ARHGEF38: variants seen among roughly 807,000 people sequenced by gnomAD.
The protein encoded by ARHGEF38 is Rho guanine nucleotide exchange factor (GEF) 38.
In ARHGEF38, 79 loss-of-function variants were observed where a neutral mutation model predicts 79.9. The observed-to-expected ratio is 0.99, with a 90% confidence interval of 0.82 to 1.19. The LOEUF is 1.19. Among genes scored for constraint, ARHGEF38 ranks in the 50% most tolerant of loss-of-function variants. The pLI is 0.00. For missense variants in ARHGEF38, 962 were observed against 907.2 expected, an observed-to-expected ratio of 1.06 and a Z score of -0.78; for synonymous variants, 366 against 328.3, an observed-to-expected ratio of 1.11 and a Z score of -1.24.
chr4:105,667,141 C>A lies in ARHGEF38; in HGVS notation c.1702C>A (p.His568Asn). Residue 568 changes from histidine to asparagine, a missense_variant, in exon 12 of 14, where the codon CAT (histidine) becomes AAT (asparagine). Transcript: ENST00000420470. ...KPVQILPEMP[H>N]QTDIHRSKLL... ...TTATTTCTCCCAGCCAGAAATGCCA[C>A]ATCAAACTGACATTCATCGCTCCAA... 6.5e-7 allele frequency: 1 copy of A among 1,532,236 alleles called. No individual in the cohort carries two copies. Among genetic ancestry groups the A allele is most frequent in the Non-Finnish European group, 8.7e-7 (1 of 1,144,158 alleles). The allele number at this position is 1,532,236 out of a possible 1,614,324, so 94.9% of individuals were successfully genotyped here.
chr4:105,642,819 T>C (rs1013619005), intron 5 of ARHGEF38, among the ~76,000 whole-genome samples: 6 of 152,174 alleles, frequency 3.9e-5, no homozygotes, highest in African/African-American at 1.2e-4. Flanking sequence ...TTGATTTAAA[T>C]GTTTGATTAT....
At chr4:105,585,020 T>A (rs1726966812) in intron 1 of ARHGEF38, among the ~76,000 whole-genome samples, 1 of 152,096 alleles carries the variant, frequency 6.6e-6, no homozygotes, top group Non-Finnish European at 1.5e-5. Flanking sequence ...GCATCCCTAT[T>A]TTTTTTCCTC....
intron 5 of ARHGEF38, among the ~76,000 whole-genome samples, chr4:105,643,672 G>A (rs1246881493): frequency 6.6e-6 from 1 of 152,130 alleles, no homozygotes; most frequent in Non-Finnish European, 1.5e-5. Context: ...CAGGGAAACT[G>A]ATCATAAACT....
chr4:105,561,390 T>C (rs970051915), intron 1 of ARHGEF38, among the ~76,000 whole-genome samples: 2 of 12,410 alleles, frequency 1.6e-4, no homozygotes, highest in Non-Finnish European at 2.8e-4. Context: ...GTCTCAAAAA[T>C]AGAGTAGAAT....
At chr4:105,675,021 T>C (rs1731070980) in intron 13 of ARHGEF38, among the ~76,000 whole-genome samples, 1 of 152,206 alleles carries the variant, frequency 6.6e-6, no homozygotes, top group Non-Finnish European at 1.5e-5. Context: ...TGTATTATAG[T>C]ACGTTACATT....
rs28602238 is a variant in ARHGEF38, at chr4:105,660,454, G to A, written c.1545+1089G>A. 2.2e-3 allele frequency among the ~76,000 whole-genome samples: 331 copies of A among 150,298 alleles called. 2 individuals carry two copies. The highest frequency in any genetic ancestry group is 7.4e-3 in the African/African-American group (304 of 40,978). On this transcript the variant is annotated intron_variant, in intron 10 of 13. Transcript: ENST00000420470. ...TCATTCTTTTTTTTTTTTTTGGTGG[G>A]GGGGGATGGAGTTTCACTTTTGTTG... is the stretch of plus-strand genomic sequence containing the variant.
chr4:105,662,935 T>C (rs1730617059), intron 10 of ARHGEF38, among the ~76,000 whole-genome samples: 1 of 152,194 alleles, frequency 6.6e-6, no homozygotes, highest in Non-Finnish European at 1.5e-5. Flanking sequence ...ATGCTTTGTT[T>C]TTGAGAAATT....
chr4:105,665,911 G>A (rs770220689), intron 10 of ARHGEF38, among the ~76,000 whole-genome samples: 1 of 152,094 alleles, frequency 6.6e-6, no homozygotes, highest in Non-Finnish European at 1.5e-5. Flanking sequence ...GAGCTCCTGA[G>A]CTTTTTTTCC....
intron 2 of ARHGEF38, among the ~76,000 whole-genome samples, chr4:105,611,178 T>C (rs1335767711): frequency 6.6e-6 from 1 of 152,086 alleles, no homozygotes; most frequent in African/African-American, 2.4e-5. Flanking sequence ...GAATAAAGTT[T>C]CCAGAGCAAA....
intron 1 of ARHGEF38, among the ~76,000 whole-genome samples, chr4:105,562,258 C>T (rs1725671050): frequency 1.3e-5 from 2 of 152,182 alleles, no homozygotes; most frequent in Admixed American, 1.3e-4. Flanking sequence ...AATTATACTA[C>T]TTCATTCTAT....
At chr4:105,639,982 C>T (rs1268256394) in intron 5 of ARHGEF38, among the ~76,000 whole-genome samples, 4 of 152,054 alleles carry the variant, frequency 2.6e-5, no homozygotes, top group African/African-American at 4.8e-5. Context: ...CCTAAATTCT[C>T]ATTAGAATAC....
intron 13 of ARHGEF38, among the ~76,000 whole-genome samples, chr4:105,672,647 T>C (rs1730993242): frequency 6.6e-6 from 1 of 152,156 alleles, no homozygotes; most frequent in East Asian, 1.9e-4. Context: ...AATACAAACA[T>C]ATTTCTCAGG....
Position 105,667,446 on chromosome 4 carries a change from G to A in ARHGEF38, c.1891G>A (p.Val631Met). ...CTTTCTTTTTATTTCCTATCCAGAT[G>A]TGAAAGGATATGTTTATTCCTCCTT... ...TSRWLVDTGN[V>M]KGYVYSSFLK... The change falls in exon 13 of 14, where the codon GTG (valine) becomes ATG (methionine). Residue 631 changes from valine to methionine, a missense_variant and splice_region_variant. Physicochemically the swap from Val to Met is conservative, Grantham distance 21. Transcript: ENST00000420470. 1 of 1,536,120 alleles carries A rather than the reference G, an allele frequency of 6.5e-7. No individual in the cohort carries two copies. Among genetic ancestry groups the A allele is most frequent in the Non-Finnish European group, 8.7e-7 (1 of 1,146,908 alleles).
chr4:105,585,101 A>C (rs561393341), intron 1 of ARHGEF38, among the ~76,000 whole-genome samples: 2 of 152,206 alleles, frequency 1.3e-5, no homozygotes, highest in African/African-American at 2.4e-5. Context: ...GTTGGTAACC[A>C]CAAAATAATG....
At chr4:105,615,194 T>G (rs1728462707) in intron 3 of ARHGEF38, among the ~76,000 whole-genome samples, 1 of 152,136 alleles carries the variant, frequency 6.6e-6, no homozygotes, top group Non-Finnish European at 1.5e-5. Flanking sequence ...AACCTGAAAG[T>G]GCAGAGTAGG....
intron 4 of ARHGEF38, chr4:105,631,591 T>A (rs1232841087): frequency 2.0e-6 from 2 of 985,266 alleles, no homozygotes; most frequent in Non-Finnish European, 2.4e-6. Flanking sequence ...CACAATGTAC[T>A]TTTTCTTTTC....
chr4:105,561,508 T>TGG (rs1725613293), intron 1 of ARHGEF38: 1 of 146,160 alleles, frequency 6.8e-6, no homozygotes, highest in East Asian at 2.0e-4. Context: ...TAGAATAGAA[T>TGG]AGAATAGAAT....
chr4:105,680,907 T>C lies in ARHGEF38; in HGVS notation c.*2970T>C, dbSNP rs750597517. 1.3e-5 allele frequency: 2 copies of C among 152,228 alleles called. No homozygotes were observed. Among genetic ancestry groups the C allele is most frequent in the Non-Finnish European group, 2.9e-5 (2 of 68,020 alleles). 9.4% of individuals were successfully genotyped at this position (152,228 alleles called of 1,614,324 possible). A position where few individuals can be genotyped will look rare whatever the true frequency, so the allele number is the denominator to read the frequency against. Reference sequence around the variant, plus strand: ...ATGTGTGAACTGTAATAAACATTACTGCTTTCATTTTTTGTAGGTATGGAG... The same window carrying C: ...ATGTGTGAACTGTAATAAACATTACCGCTTTCATTTTTTGTAGGTATGGAG... On this transcript the variant is annotated 3_prime_UTR_variant, in exon 14 of 14. Transcript: ENST00000420470.
Position 105,589,318 on chromosome 4 carries a change from G to A in ARHGEF38, c.267G>A (p.Lys89=), listed in dbSNP as rs757657485. 6.2e-7 allele frequency: 1 copy of A among 1,614,104 alleles called. No individual in the cohort carries two copies. Among genetic ancestry groups the A allele is most frequent in the Non-Finnish European group, 8.5e-7 (1 of 1,179,978 alleles). The change falls in exon 2 of 14, where the codon AAG becomes AAA. Residue 89 remains lysine, a synonymous_variant. Coordinates refer to ENST00000420470, the MANE Select transcript of ARHGEF38 (RefSeq NM_001242729.2). ...CCCCAGAGGAAGAGCATCATATGAA[G>A]AGGATGATGGCAAAGCGGGAAAAGA... is the stretch of plus-strand genomic sequence containing the variant. ...TLTPEEEHHM[K]RMMAKREKII...
Sources: allele counts gnomAD v4.1 joint callset (sites outside exome capture counted in the v4.1 genomes callset), GRCh38; gene constraint gnomAD v4.1.1; transcripts MANE v1.5; gene names NCBI Gene and HGNC (gene_info 2026-07-23, HGNC 2026-07-21).